Variants in EMC1 observed in about 807,000 individuals in gnomAD.
EMC1 encodes the protein ER membrane protein complex subunit 1.
Under a neutral mutation model 128.8 loss-of-function variants are expected in EMC1, and 103 were observed. The ratio of observed to expected loss-of-function variants is 0.80; its 90% CI spans 0.68 to 0.94. The LOEUF is 0.94. Ranked by LOEUF, EMC1 falls within the 40% of genes least tolerant of loss-of-function variation. The probability of loss-of-function intolerance (pLI) is 0.00; values close to 1 mark genes in which losing one functional copy is unlikely to be tolerated. For synonymous variants in EMC1, 442 were observed against 490.4 expected (o/e 0.90, Z 1.30); for missense variants, 1,083 against 1,250.6 (o/e 0.87, Z 2.02).
chr1:19,245,009 CT>C lies in EMC1; in HGVS notation c.116del (p.Lys39ArgfsTer18). 1 of 1,613,928 alleles carries C rather than the reference CT, an allele frequency of 6.2e-7. No individual in the cohort carries two copies. The highest frequency in any genetic ancestry group is 8.5e-7 in the Non-Finnish European group (1 of 1,179,886). ...AAAATTCCAAGGAGGCAAACTTGAC[CT>C]TCCCAACATATTGCTGTCTCCTGAG... ...KFDWRQQYVG[K>X]VKFASLEFSP... On this transcript the variant is annotated frameshift_variant, in exon 2 of 23. Transcript: ENST00000477853. LOFTEE classifies it high-confidence loss of function.
chr1:19,226,402 A>G (rs1443841431), intron 18 of EMC1, among the ~76,000 whole-genome samples: 1 of 152,164 alleles, frequency 6.6e-6, no homozygotes, highest in Non-Finnish European at 1.5e-5. Flanking sequence ...GAACTGCTTG[A>G]GGCCAGGAGA....
At chr1:19,231,869 C>G (rs1444392660) in intron 15 of EMC1, among the ~76,000 whole-genome samples, 1 of 152,158 alleles carries the variant, frequency 6.6e-6, no homozygotes, top group Non-Finnish European at 1.5e-5. Flanking sequence ...GCAATCCGCC[C>G]TCCTTGGCCT....
chr1:19,235,052 A>G (rs2093552725), intron 13 of EMC1, 78 bp downstream of exon 13: 1 of 1,541,470 alleles, frequency 6.5e-7, no homozygotes, highest in Non-Finnish European at 8.8e-7. Context: ...CCAGAGATGC[A>G]TGATACAGTG....
Position 19,233,030 on chromosome 1 carries a change from CGGG to C in EMC1, c.1535_1537del (p.Pro512del). 1 of 1,614,128 alleles carries C rather than the reference CGGG, an allele frequency of 6.2e-7. No homozygotes were observed. The highest frequency in any genetic ancestry group is 8.5e-7 in the Non-Finnish European group (1 of 1,180,014). ...GTTGATCTCATTCTTAATCTGACTC[CGGG>C]GCTTCCGAGCATCATAAAACATTTT... On this transcript the variant is annotated inframe_deletion, in exon 14 of 23. Coordinates refer to ENST00000477853, the MANE Select transcript of EMC1 (RefSeq NM_015047.3).
chr1:19,239,902 C>G lies in EMC1; in HGVS notation c.870G>C (p.Gln290His), dbSNP rs1203968629. ...QPNPVDASRA[Q>H]FFLHLSPSHY... ...GGCTTGGGGACAAGTGCAGGAAGAA[C>G]TGGGCCCGGGAAGCGTCCACTGGGT... Residue 290 changes from glutamine to histidine, a missense_variant, in exon 8 of 23, where the codon CAG (glutamine) becomes CAC (histidine). This residue lies in a region of EMC1 where 544 missense variants were observed against 572.4 expected (regional missense o/e 0.95). Transcript: ENST00000477853. 1 of 1,614,022 alleles carries G rather than the reference C, an allele frequency of 6.2e-7. No individual in the cohort carries two copies. The highest frequency in any genetic ancestry group is 1.7e-5 in the Admixed American group (1 of 59,994).
At chr1:19,224,969 G>A (rs190065425) in intron 18 of EMC1, among the ~76,000 whole-genome samples, 42 of 152,224 alleles carry the variant, frequency 2.8e-4, no homozygotes, top group Non-Finnish European at 5.1e-4. Flanking sequence ...CACTCACTCC[G>A]TGCCACTTTC....
At chr1:19,235,594 G>T (rs60278543) in intron 12 of EMC1, among the ~76,000 whole-genome samples, 1 of 152,064 alleles carries the variant, frequency 6.6e-6, no homozygotes, top group African/African-American at 2.4e-5. Context: ...CCAGCTACTC[G>T]GGAGGCTGAG....
At chr1:19,241,187 G>C (rs376250357) in intron 5 of EMC1, 45 bp from the exon 6 acceptor site, 2 of 1,610,412 alleles carry the variant, frequency 1.2e-6, no homozygotes, top group Admixed American at 3.4e-5. Context: ...TTCAACCCAG[G>C]ACAGGATTAT....
chr1:19,227,474 G>A, intron 17 of EMC1, 24 bp from the exon 18 acceptor site: 1 of 1,613,982 alleles, frequency 6.2e-7, no homozygotes, highest in Non-Finnish European at 8.5e-7. Context: ...AAAAAAGCCT[G>A]TAATCAGGAG....
At position 19,218,986 on chromosome 1, in the gene EMC1, T is replaced by TAAAAA. The variant is rs747596116; in HGVS notation, c.*312_*316dup. On this transcript the variant is annotated 3_prime_UTR_variant, in exon 23 of 23. Coordinates refer to ENST00000477853, the MANE Select transcript of EMC1 (RefSeq NM_015047.3). ...CACAAAAATCAGCCGGAATTCTTAT[T>TAAAAA]AAAAAAAACAAAACAGAACATTCAT... 5.9e-6 allele frequency: 1 copy of TAAAAA among 169,478 alleles called. No homozygotes were observed. The highest frequency in any genetic ancestry group is 1.7e-4 in the South Asian group (1 of 5,838). 10.5% of individuals were successfully genotyped at this position (169,478 alleles called of 1,614,324 possible).
intron 20 of EMC1, 64 bp from the exon 21 acceptor site, chr1:19,220,912 G>T: frequency 8.4e-7 from 1 of 1,190,828 alleles, no homozygotes; most frequent in Non-Finnish European, 1.2e-6. Context: ...TTACAAAAAT[G>T]TCATTATTGC....
intron 5 of EMC1, 49 bp from the exon 6 acceptor site, chr1:19,241,191 G>C: frequency 1.2e-6 from 2 of 1,604,182 alleles, no homozygotes; most frequent in Non-Finnish European, 1.7e-6. Flanking sequence ...ACCCAGGACA[G>C]GATTATCCTC....
At chr1:19,239,154 G>C in intron 9 of EMC1, 77 bp downstream of exon 9, 1 of 1,386,182 alleles carries the variant, frequency 7.2e-7, no homozygotes, top group Non-Finnish European at 1.0e-6. Context: ...AATGTGCCCA[G>C]ACTTCTGATT....
At chr1:19,250,588 C>T (rs2093654362) in intron 1 of EMC1, among the ~76,000 whole-genome samples, 3 of 152,198 alleles carry the variant, frequency 2.0e-5, no homozygotes, top group Admixed American at 2.0e-4. Context: ...GAGGAGAAAT[C>T]TGACCTGGGC....
At chr1:19,244,119 T>C in intron 2 of EMC1, 104 bp from the exon 3 acceptor site, 1 of 1,121,754 alleles carries the variant, frequency 8.9e-7, no homozygotes, top group Non-Finnish European at 1.3e-6. Context: ...TGTCCAATTT[T>C]ATCTCGAGGG....
rs1316663102 is a variant in EMC1, at chr1:19,251,518, C to CGCATGCACCACCCACCGCCGTCCCG, written c.-10_-9insCGGGACGGCGGTGGGTGGTGCATGC. 8 of 1,613,620 alleles carry CGCATGCACCACCCACCGCCGTCCCG rather than the reference C, an allele frequency of 5.0e-6. No individual in the cohort carries two copies. Among genetic ancestry groups the CGCATGCACCACCCACCGCCGTCCCG allele is most frequent in the Non-Finnish European group, 5.9e-6 (7 of 1,179,748 alleles). ...GCCCACTCAGCCGCCATGATGCGAG[C>CGCATGCACCACCCACCGCCGTCCCG]GCATGCACCACCCACCGCCGTCCCG... On this transcript the variant is annotated 5_prime_UTR_variant, in exon 1 of 23. It adds an upstream start codon to the 5' untranslated region. Transcript: ENST00000477853.
chr1:19,230,856 A>G lies in EMC1; in HGVS notation c.2052T>C (p.Tyr684=), dbSNP rs1401086816. The change falls in exon 17 of 23, where the codon TAT becomes TAC. Residue 684 remains tyrosine (Y), a synonymous_variant. Coordinates refer to ENST00000477853, the MANE Select transcript of EMC1 (RefSeq NM_015047.3). ...VDAEQGRLCG[Y]RLRKDLTTEL... ...CATGCCTTCCTACCTTTCGAAGCCG[A>G]TATCCACACAGCCGTCCCTGCTCTG... 2 of 1,614,172 alleles carry G rather than the reference A, an allele frequency of 1.2e-6. No homozygotes were observed. Among genetic ancestry groups the G allele is most frequent in the South Asian group, 2.2e-5 (2 of 91,082 alleles).
chr1:19,232,547 G>A (rs764152746), intron 15 of EMC1, 77 bp downstream of exon 15: 2 of 1,529,316 alleles, frequency 1.3e-6, no homozygotes, highest in Admixed American at 1.7e-5. Flanking sequence ...AATTCCAAGG[G>A]CCTAGGAGCA....
chr1:19,236,766 G>A (rs532603589), intron 12 of EMC1, among the ~76,000 whole-genome samples: 14 of 151,486 alleles, frequency 9.2e-5, no homozygotes, highest in South Asian at 6.3e-4. Context: ...TCAGGAATTC[G>A]AGACCAGCCT....
Sources: gnomAD v4.1 joint callset for allele counts (sites outside exome capture counted in the v4.1 genomes callset) on GRCh38, gnomAD v4.1.1 for gene constraint, gnomAD v4.1.1 regional missense constraint, MANE v1.5 for transcripts, NCBI Gene and HGNC (gene_info 2026-07-23, HGNC 2026-07-21) for gene names.